CA10: variants seen among roughly 807,000 people sequenced by gnomAD.
CA10 encodes carbonic anhydrase-related protein 10.
Under a neutral mutation model 44.2 loss-of-function variants are expected in CA10, and 14 were observed. The observed-to-expected ratio is 0.32, with a 90% confidence interval of 0.21 to 0.50. CA10 has a LOEUF of 0.50. Ranked by LOEUF, CA10 falls within the 20% of genes least tolerant of loss-of-function variation. The probability of loss-of-function intolerance (pLI) is 0.99; values close to 1 mark genes in which losing one functional copy is unlikely to be tolerated. For missense variants in CA10, 350 were observed against 409.7 expected, an observed-to-expected ratio of 0.85 and a Z score of 1.26; for synonymous variants, 159 against 141.6, an observed-to-expected ratio of 1.12 and a Z score of -0.87.
chr17:52,053,889 C>A (rs1987149877), intron 2 of CA10, among the ~76,000 whole-genome samples: 1 of 152,124 alleles, frequency 6.6e-6, no homozygotes, highest in Non-Finnish European at 1.5e-5. Flanking sequence ...CCAATCAATA[C>A]CCTTGTGATT....
chr17:51,689,066 TC>T (rs1357608398), intron 4 of CA10, among the ~76,000 whole-genome samples: 1 of 152,114 alleles, frequency 6.6e-6, no homozygotes, highest in African/African-American at 2.4e-5. Context: ...GCGTTTCAGC[TC>T]CCAATGTGGT....
At chr17:51,782,048 T>C (rs1196266198) in intron 3 of CA10, among the ~76,000 whole-genome samples, 3 of 152,244 alleles carry the variant, frequency 2.0e-5, no homozygotes, top group Admixed American at 6.5e-5. Context: ...ATTCATTCCA[T>C]GTACATTAGT....
chr17:51,664,123 T>C (rs978302573), intron 4 of CA10, among the ~76,000 whole-genome samples: 1 of 152,202 alleles, frequency 6.6e-6, no homozygotes. Flanking sequence ...TAATAAAGGC[T>C]CGCTTTGTTT....
rs754411493 is a variant in CA10, at chr17:51,684,511, C to A, written c.466-30775G>T. Among the ~76,000 whole-genome samples, 39 of 152,172 alleles carry A rather than the reference C, an allele frequency of 2.6e-4. 2 individuals are homozygous for A. The highest frequency in any genetic ancestry group is 1.8e-4 in the Non-Finnish European group (12 of 68,036). On this transcript the variant is annotated intron_variant, in intron 4 of 8. Transcript: ENST00000451037. ...CATCTGATTAAGTACTAAGTGCCAG[C>A]CTCCCAAATCATTTAACTACCCAAA...
intron 3 of CA10, among the ~76,000 whole-genome samples, chr17:51,777,792 C>T (rs187810476): frequency 1.3e-5 from 2 of 152,048 alleles, no homozygotes; most frequent in Admixed American, 6.6e-5. Context: ...TTTAGCCAGG[C>T]GTGGTGGTAT....
At chr17:52,084,064 C>T (rs937900600) in intron 1 of CA10, among the ~76,000 whole-genome samples, 7 of 152,078 alleles carry the variant, frequency 4.6e-5, no homozygotes, top group African/African-American at 7.2e-5. Context: ...TGAGGACATT[C>T]GTGCCATTTG....
intron 2 of CA10, among the ~76,000 whole-genome samples, chr17:51,954,215 C>T (rs1983584461): frequency 1.3e-5 from 2 of 152,260 alleles, no homozygotes; most frequent in South Asian, 4.1e-4. Flanking sequence ...AGCTTGTATG[C>T]TATTATAATT....
intron 3 of CA10, among the ~76,000 whole-genome samples, chr17:51,837,233 C>T (rs928585281): frequency 1.3e-5 from 2 of 152,128 alleles, no homozygotes; most frequent in East Asian, 3.9e-4. Flanking sequence ...ACTGAGTTAG[C>T]GGGCCTTTGC....
chr17:51,801,629 G>A (rs1906937776), intron 3 of CA10, among the ~76,000 whole-genome samples: 2 of 152,170 alleles, frequency 1.3e-5, no homozygotes, highest in Admixed American at 1.3e-4. Context: ...CTAGAAAGAA[G>A]AGTAAGCAGT....
intron 2 of CA10, among the ~76,000 whole-genome samples, chr17:52,056,934 A>G (rs1453391799): frequency 6.6e-6 from 1 of 152,112 alleles, no homozygotes; most frequent in African/African-American, 2.4e-5. Context: ...TGTTTATTTT[A>G]TATGAACTGC....
At chr17:52,093,460 T>C (rs1324279997) in intron 1 of CA10, among the ~76,000 whole-genome samples, 1 of 152,178 alleles carries the variant, frequency 6.6e-6, no homozygotes, top group Non-Finnish European at 1.5e-5. Context: ...TCTCCTTTGT[T>C]GCTGTGAATT....
chr17:51,789,570 C>T (rs1297625162), intron 3 of CA10, among the ~76,000 whole-genome samples: 1 of 152,172 alleles, frequency 6.6e-6, no homozygotes, highest in Non-Finnish European at 1.5e-5. Context: ...CACCTGCTGC[C>T]TCTGAGTGTG....
intron 3 of CA10, among the ~76,000 whole-genome samples, chr17:51,773,921 G>T (rs957359532): frequency 6.6e-6 from 1 of 152,088 alleles, no homozygotes; most frequent in Non-Finnish European, 1.5e-5. Context: ...TTCTGCCTGA[G>T]CATATTTATC....
intron 3 of CA10, among the ~76,000 whole-genome samples, chr17:51,903,813 A>G (rs1394006438): frequency 6.6e-6 from 1 of 152,172 alleles, no homozygotes; most frequent in African/African-American, 2.4e-5. Flanking sequence ...GAGAATTCTT[A>G]GAACACAAAG....
At chr17:51,853,807 C>T (rs1439833644) in intron 3 of CA10, among the ~76,000 whole-genome samples, 1 of 152,144 alleles carries the variant, frequency 6.6e-6, no homozygotes, top group African/African-American at 2.4e-5. Context: ...TTGACTGTTC[C>T]TCCTTCACAT....
chr17:52,097,208 C>A (rs1048066592), intron 1 of CA10, among the ~76,000 whole-genome samples: 2 of 151,960 alleles, frequency 1.3e-5, no homozygotes, highest in African/African-American at 4.8e-5. Flanking sequence ...GTGGTTATAA[C>A]AATTTAAAAC....
chr17:51,710,593 G>A (rs553371929), intron 4 of CA10, among the ~76,000 whole-genome samples: 2 of 152,214 alleles, frequency 1.3e-5, no homozygotes, highest in Admixed American at 1.3e-4. Flanking sequence ...GAGTTTGGGG[G>A]TAATTTTTTG....
At chr17:51,970,661 T>A (rs1444482357) in intron 2 of CA10, among the ~76,000 whole-genome samples, 1 of 152,128 alleles carries the variant, frequency 6.6e-6, no homozygotes, top group Non-Finnish European at 1.5e-5. Flanking sequence ...TTTTGTGATC[T>A]AATTCATCAG....
At chr17:52,063,066 T>C (rs975468921) in intron 2 of CA10, among the ~76,000 whole-genome samples, 2 of 152,200 alleles carry the variant, frequency 1.3e-5, no homozygotes, top group African/African-American at 4.8e-5. Context: ...ATGCAGGACA[T>C]GGGTCAAAGA....
Sources: allele counts gnomAD v4.1 joint callset (sites outside exome capture counted in the v4.1 genomes callset), GRCh38; gene constraint gnomAD v4.1.1; transcripts MANE v1.5; gene names NCBI Gene and HGNC (gene_info 2026-07-23, HGNC 2026-07-21).